Variants in EPHA6 observed in about 807,000 individuals in gnomAD.
The protein encoded by EPHA6 is ephrin type-A receptor 6.
A neutral mutation model predicts 112.0 loss-of-function variants in EPHA6; 50 were observed. That is an observed-to-expected ratio of 0.45 (90% CI 0.36 to 0.56). The LOEUF is 0.56. Ranked by LOEUF, EPHA6 falls within the 20% of genes least tolerant of loss-of-function variation. The pLI, the probability that EPHA6 is intolerant of heterozygous loss-of-function variation, is 0.00. For missense variants in EPHA6, 1,280 were observed against 1,417.4 expected (o/e 0.90, Z 1.56); for synonymous variants, 529 against 490.7 (o/e 1.08, Z -1.03).
At chr3:97,286,975 C>A (rs1429621092) in intron 5 of EPHA6, among the ~76,000 whole-genome samples, 2 of 149,294 alleles carry the variant, frequency 1.3e-5, no homozygotes, top group East Asian at 3.9e-4. Flanking sequence ...AAATTTATTC[C>A]TAGGTTTTTG....
In EPHA6 at chr3:97,448,553, T is replaced by G. The variant is rs899929298; in HGVS notation, c.1732-15T>G. The G allele has an allele frequency of 1.2e-6, 2 of 1,612,210 alleles. No individual in the cohort carries two copies. Among genetic ancestry groups the G allele is most frequent in the Non-Finnish European group, 1.7e-6 (2 of 1,178,880 alleles). ...CTCTGTTTCATTTCCTTTCTCCTTT[T>G]TTTCTGTCCCCCAGGAACATGAGCA... On this transcript the variant is annotated splice_polypyrimidine_tract_variant and intron_variant, in intron 6 of 17. Coordinates refer to ENST00000389672, the MANE Select transcript of EPHA6 (RefSeq NM_001080448.3).
intron 13 of EPHA6, among the ~76,000 whole-genome samples, chr3:97,622,854 G>A (rs2107508106): frequency 6.6e-6 from 1 of 151,820 alleles, no homozygotes; most frequent in South Asian, 2.1e-4. Context: ...GTAATGATTT[G>A]TGGTTTTCAG....
chr3:97,321,875 A>G (rs2082137763), intron 5 of EPHA6, among the ~76,000 whole-genome samples: 1 of 152,092 alleles, frequency 6.6e-6, no homozygotes, highest in Admixed American at 6.6e-5. Context: ...TTCAAGGCTC[A>G]GTGTAAAATG....
At chr3:97,615,405 G>A (rs752529282) in intron 13 of EPHA6, among the ~76,000 whole-genome samples, 17 of 152,138 alleles carry the variant, frequency 1.1e-4, no homozygotes, top group Non-Finnish European at 1.9e-4. Context: ...ACTCAGGCAA[G>A]GTGAAAAGTT....
At chr3:97,441,414 A>G in intron 6 of EPHA6, 3 of 973,214 alleles carry the variant, frequency 3.1e-6, no homozygotes, top group Non-Finnish European at 3.7e-6. Flanking sequence ...AACAAAATAC[A>G]GACAAACAAA....
intron 7 of EPHA6, among the ~76,000 whole-genome samples, chr3:97,460,687 A>G (rs531744343): frequency 6.6e-6 from 1 of 152,164 alleles, no homozygotes; most frequent in Admixed American, 6.5e-5. Context: ...GTCAGAATCC[A>G]AGATTCCTCA....
At chr3:97,439,134 A>G (rs2107267966) in intron 6 of EPHA6, among the ~76,000 whole-genome samples, 1 of 152,296 alleles carries the variant, frequency 6.6e-6, no homozygotes, top group South Asian at 2.1e-4. Flanking sequence ...GGAATGCATT[A>G]AATATTCATT....
intron 3 of EPHA6, among the ~76,000 whole-genome samples, chr3:97,222,349 T>C (rs2078232788): frequency 6.6e-6 from 1 of 152,220 alleles, no homozygotes; most frequent in Non-Finnish European, 1.5e-5. Flanking sequence ...AATATTGAAG[T>C]AACCCAAATA....
intron 6 of EPHA6, 38 bp downstream of exon 6, chr3:97,405,312 A>G (rs901095758): frequency 2.0e-6 from 3 of 1,507,888 alleles, no homozygotes; most frequent in African/African-American, 1.4e-5. Context: ...AACTACATAT[A>G]TATGCATATA....
At chr3:97,415,664 C>G (rs1389275932) in intron 6 of EPHA6, among the ~76,000 whole-genome samples, 2 of 152,004 alleles carry the variant, frequency 1.3e-5, no homozygotes, top group African/African-American at 4.8e-5. Context: ...TCTTTGAATT[C>G]AGGCATCTGT....
chr3:97,013,977 A>G (rs2044178657), intron 3 of EPHA6, among the ~76,000 whole-genome samples: 1 of 151,882 alleles, frequency 6.6e-6, no homozygotes, highest in African/African-American at 2.4e-5. Context: ...CCTCTCCACC[A>G]CCCAATCTGT....
intron 5 of EPHA6, among the ~76,000 whole-genome samples, chr3:97,283,856 AG>A (rs1368923937): frequency 1.3e-5 from 2 of 152,210 alleles, no homozygotes; most frequent in African/African-American, 4.8e-5. Context: ...GACTAAGTTA[AG>A]AATGGCAAAA....
chr3:96,994,069 A>C (rs1375858041), intron 3 of EPHA6, among the ~76,000 whole-genome samples: 1 of 152,182 alleles, frequency 6.6e-6, no homozygotes, highest in Non-Finnish European at 1.5e-5. Context: ...TCCTTTTTGC[A>C]TAATATTGTT....
Position 97,188,433 on chromosome 3 carries a change from A to G in EPHA6, c.1115-37831A>G, listed in dbSNP as rs543317954. Among the ~76,000 whole-genome samples, 53 of 152,204 alleles carry G rather than the reference A, an allele frequency of 3.5e-4. 1 individual carries two copies. Among genetic ancestry groups the G allele is most frequent in the Admixed American group, 3.4e-3 (52 of 15,274 alleles). ...TACGTATTTCTATATTGCAAAAGATATAATAACAAGGACAAGAAAGAAACA... is the reference window on the plus strand; with the variant it reads ...TACGTATTTCTATATTGCAAAAGATGTAATAACAAGGACAAGAAAGAAACA... On this transcript the variant is annotated intron_variant, in intron 3 of 17. Coordinates refer to ENST00000389672, the MANE Select transcript of EPHA6 (RefSeq NM_001080448.3).
chr3:97,693,795 G>A (rs2032836685), intron 14 of EPHA6, among the ~76,000 whole-genome samples: 1 of 152,196 alleles, frequency 6.6e-6, no homozygotes, highest in Admixed American at 6.5e-5. Flanking sequence ...GTGACAGAGC[G>A]AGACTCTGTC....
At chr3:96,885,886 C>G (rs567551631) in intron 2 of EPHA6, among the ~76,000 whole-genome samples, 22 of 152,160 alleles carry the variant, frequency 1.4e-4, no homozygotes, top group African/African-American at 5.3e-4. Context: ...CTCTTAGCAC[C>G]ACCTTGCTGT....
chr3:97,168,615 G>T (rs77698369), intron 3 of EPHA6, among the ~76,000 whole-genome samples: 4 of 93,970 alleles, frequency 4.3e-5, no homozygotes, highest in African/African-American at 3.5e-4. Flanking sequence ...CTCTGTCTCT[G>T]TCTCTCTCTT....
chr3:97,669,924 C>G (rs2030627606), intron 14 of EPHA6, among the ~76,000 whole-genome samples: 1 of 152,244 alleles, frequency 6.6e-6, no homozygotes, highest in Admixed American at 6.5e-5. Flanking sequence ...CTGCCTTTTC[C>G]TTAATGCATT....
Position 97,153,631 on chromosome 3 carries a change from A to T in EPHA6, c.1115-72633A>T, listed in dbSNP as rs187357857. On this transcript the variant is annotated intron_variant, in intron 3 of 17. Coordinates refer to ENST00000389672, the MANE Select transcript of EPHA6 (RefSeq NM_001080448.3). ...GACTAAAAAAACATAGTTACCTAAC[A>T]TTTTTTTTTCCTTAAAACTTCTGGG... 2.6e-5 allele frequency among the ~76,000 whole-genome samples: 4 copies of T among 151,550 alleles called. No individual in the cohort carries two copies. In the East Asian group the frequency reaches 5.8e-4, roughly 22 times the overall value.
Sources: gnomAD v4.1 joint callset for allele counts (sites outside exome capture counted in the v4.1 genomes callset) on GRCh38, gnomAD v4.1.1 for gene constraint, MANE v1.5 for transcripts, NCBI Gene and HGNC (gene_info 2026-07-23, HGNC 2026-07-21) for gene names.